Variants in SLFN12L observed in about 807,000 individuals in gnomAD.
The protein encoded by SLFN12L is schlafen family member 12-like.
In SLFN12L, 34 loss-of-function variants were observed where a neutral mutation model predicts 34.8. That is an observed-to-expected ratio of 0.98 (90% confidence interval 0.74 to 1.30). The LOEUF (loss-of-function observed/expected upper bound fraction) is 1.30, where lower values mean the gene tolerates loss of function less well. Ranked by LOEUF, SLFN12L falls within the 50% of genes most tolerant of loss-of-function variation. The pLI is 0.00. For missense variants in SLFN12L, 703 were observed against 696.2 expected, an observed-to-expected ratio of 1.01 and a Z score of -0.11; for synonymous variants, 259 against 247.5, an observed-to-expected ratio of 1.05 and a Z score of -0.44.
At chr17:35,507,735 C>T (rs1219196870) in intron 2 of SLFN12L, among the ~76,000 whole-genome samples, 2 of 152,230 alleles carry the variant, frequency 1.3e-5, no homozygotes, top group Non-Finnish European at 1.5e-5. Context: ...CCCTTGTTTG[C>T]TACCCATACT....
At chr17:35,477,423 AG>A (rs1429081983) in intron 4 of SLFN12L, among the ~76,000 whole-genome samples, 1 of 152,186 alleles carries the variant, frequency 6.6e-6, no homozygotes, top group Non-Finnish European at 1.5e-5. Flanking sequence ...TTAAATGGCA[AG>A]TTTGACTATA....
At chr17:35,526,068 A>C (rs974320383) in intron 1 of SLFN12L, among the ~76,000 whole-genome samples, 1 of 152,232 alleles carries the variant, frequency 6.6e-6, no homozygotes, top group Non-Finnish European at 1.5e-5. Flanking sequence ...TTAGTCTCTG[A>C]TAAAACAGAC....
chr17:35,499,190 G>A (rs780898120), intron 2 of SLFN12L: 35 of 955,820 alleles, frequency 3.7e-5, no homozygotes, highest in Middle Eastern at 2.4e-4. Context: ...TGTGAATACC[G>A]TTTTTTCTTC....
chr17:35,494,844 T>A (rs1390480220), intron 2 of SLFN12L, among the ~76,000 whole-genome samples: 2 of 152,118 alleles, frequency 1.3e-5, no homozygotes, highest in Non-Finnish European at 2.9e-5. Flanking sequence ...CATTTTTATG[T>A]TTTATTTATC....
chr17:35,498,097 C>A, intron 2 of SLFN12L: 1 of 565,854 alleles, frequency 1.8e-6, no homozygotes, highest in Non-Finnish European at 3.1e-6. Flanking sequence ...GCGCGGGGCT[C>A]CAGGACACAG....
chr17:35,494,929 A>G (rs994015991), intron 2 of SLFN12L, among the ~76,000 whole-genome samples: 1 of 151,228 alleles, frequency 6.6e-6, no homozygotes, highest in African/African-American at 2.4e-5. Flanking sequence ...TTATTGAGAC[A>G]GGGTCTCCCT....
intron 1 of SLFN12L, among the ~76,000 whole-genome samples, chr17:35,530,656 A>G (rs941692060): frequency 8.5e-5 from 13 of 152,060 alleles, no homozygotes; most frequent in Non-Finnish European, 1.0e-4. Flanking sequence ...TGACAAATGG[A>G]GTAAAAGGAA....
chr17:35,530,413 GGAAGGAA>G, intron 1 of SLFN12L, among the ~76,000 whole-genome samples: 1 of 12,582 alleles, frequency 7.9e-5, no homozygotes, highest in South Asian at 2.9e-3. Context: ...AAGGAAGGAA[GGAAGGAA>G]GGAAGGAAGG....
chr17:35,482,185 C>T (rs1914369168), intron 2 of SLFN12L, among the ~76,000 whole-genome samples: 1 of 152,204 alleles, frequency 6.6e-6, no homozygotes, highest in Admixed American at 6.5e-5. Context: ...TTCTTATATA[C>T]AAAACACCTG....
At chr17:35,530,455 AG>A (rs1304985247) in intron 1 of SLFN12L, among the ~76,000 whole-genome samples, 3 of 55,986 alleles carry the variant, frequency 5.4e-5, no homozygotes, top group African/African-American at 1.6e-4. Context: ...AAAGAAAGAA[AG>A]AAAGAAAGAA....
At chr17:35,478,405 A>C in intron 3 of SLFN12L, 1 of 318,872 alleles carries the variant, frequency 3.1e-6, no homozygotes, top group Non-Finnish European at 5.7e-6. Flanking sequence ...CTATACTTGG[A>C]AGGAAAATTA....
At chr17:35,531,886 C>T (rs147721964) in intron 1 of SLFN12L, among the ~76,000 whole-genome samples, 2,055 of 152,114 alleles carry the variant, frequency 0.014, 53 homozygotes, top group African/African-American at 0.047. Flanking sequence ...CCACCCACCT[C>T]GGCCTCCCAA....
chr17:35,526,592 C>T (rs913584256), intron 1 of SLFN12L, among the ~76,000 whole-genome samples: 1 of 152,146 alleles, frequency 6.6e-6, no homozygotes, highest in African/African-American at 2.4e-5. Flanking sequence ...ACTGAACAAC[C>T]TGCTCCTGAA....
Position 35,522,517 on chromosome 17 carries a change from T to C in SLFN12L, c.-153A>G. The C allele has an allele frequency of 6.2e-7, 1 of 1,612,752 alleles. No homozygotes were observed. The highest frequency in any genetic ancestry group is 8.5e-7 in the Non-Finnish European group (1 of 1,179,280). On this transcript the variant is annotated 5_prime_UTR_variant, in exon 2 of 5. Coordinates refer to ENST00000628453, the MANE Select transcript of SLFN12L (RefSeq NM_001363830.2). ...CTGCACAGGTCACTCAAGAGAGACC[T>C]GAAGCCGAGCAAGACAATCACGAGG...
At chr17:35,501,169 G>A (rs1915283544) in intron 2 of SLFN12L, among the ~76,000 whole-genome samples, 2 of 152,206 alleles carry the variant, frequency 1.3e-5, no homozygotes, top group African/African-American at 4.8e-5. Context: ...TCCCTGCAGG[G>A]GACTGCAGCC....
At chr17:35,476,754 A>C (rs530932011) in intron 4 of SLFN12L, among the ~76,000 whole-genome samples, 12 of 149,646 alleles carry the variant, frequency 8.0e-5, no homozygotes, top group African/African-American at 3.0e-4. Context: ...AAACTTCAAA[A>C]GAGTAAAAGT....
chr17:35,510,711 G>A lies in SLFN12L; in HGVS notation c.86+11568C>T, dbSNP rs1009831747. ...AATTATTGAATTGTACACTTTGAAA[G>A]AATTAATTATATAGTATGCAATTAT... On this transcript the variant is annotated intron_variant, in intron 2 of 4. Transcript: ENST00000628453. 2.6e-5 allele frequency among the ~76,000 whole-genome samples: 4 copies of A among 151,370 alleles called. No individual in the cohort carries two copies. The South Asian group carries it at 8.3e-4, about 31-fold the overall frequency.
intron 2 of SLFN12L, among the ~76,000 whole-genome samples, chr17:35,489,452 G>T (rs917974375): frequency 6.6e-6 from 1 of 152,082 alleles, no homozygotes; most frequent in African/African-American, 2.4e-5. Flanking sequence ...TACTAAGGAG[G>T]CTATGGTGGG....
chr17:35,533,191 T>C (rs1274473270), intron 1 of SLFN12L, among the ~76,000 whole-genome samples: 1 of 152,248 alleles, frequency 6.6e-6, no homozygotes, highest in Non-Finnish European at 1.5e-5. Flanking sequence ...TTACATTTCA[T>C]CAAGAAGATG....
Sources: gnomAD v4.1 joint callset for allele counts (sites outside exome capture counted in the v4.1 genomes callset) on GRCh38, gnomAD v4.1.1 for gene constraint, MANE v1.5 for transcripts, NCBI Gene and HGNC (gene_info 2026-07-23, HGNC 2026-07-21) for gene names.